IQGAP1: variants seen among roughly 807,000 people sequenced by gnomAD.
The protein encoded by IQGAP1 is IQ motif containing GTPase activating protein 1, also known as ras GTPase-activating-like protein IQGAP1.
A neutral mutation model predicts 215.6 loss-of-function variants in IQGAP1; 66 were observed. That is an observed-to-expected ratio of 0.31 (90% CI 0.25 to 0.38). The LOEUF (loss-of-function observed/expected upper bound fraction) is 0.38, where lower values mean the gene tolerates loss of function less well. Among genes scored for constraint, IQGAP1 ranks in the 10% least tolerant of loss-of-function variants. The pLI is 1.00. For synonymous variants in IQGAP1, 772 were observed against 728.7 expected, an observed-to-expected ratio of 1.06 and a Z score of -0.96; for missense variants, 1,712 against 1,997.1, an observed-to-expected ratio of 0.86 and a Z score of 2.72.
Position 90,483,436 on chromosome 15 carries a change from C to T in IQGAP1, c.3631C>T (p.Leu1211=). The part of the protein sequence containing the change: ...VAPDAFDIID[L]SAGGQLTTDQ... ...TCCTGATGCCTTTGACATCATTGAC[C>T]TGTCAGCAGGAGGCCAGCTTACCAC... Residue 1211 remains leucine (L), a synonymous_variant, in exon 29 of 38, where the codon CTG becomes TTG. Coordinates refer to ENST00000268182, the MANE Select transcript of IQGAP1 (RefSeq NM_003870.4). 6.2e-7 allele frequency: 1 copy of T among 1,614,168 alleles called. No individual in the cohort carries two copies. The highest frequency in any genetic ancestry group is 8.5e-7 in the Non-Finnish European group (1 of 1,180,024).
intron 2 of IQGAP1, among the ~76,000 whole-genome samples, chr15:90,425,213 G>C (rs1965203965): frequency 6.6e-6 from 1 of 152,086 alleles, no homozygotes; most frequent in Non-Finnish European, 1.5e-5. Context: ...AGGAAGCTGA[G>C]GCAGGAGAAT....
intron 2 of IQGAP1, among the ~76,000 whole-genome samples, chr15:90,404,782 T>C (rs1281636834): frequency 6.6e-6 from 1 of 152,122 alleles, no homozygotes; most frequent in African/African-American, 2.4e-5. Flanking sequence ...GGTTTTGCCA[T>C]GTTGGCCAGG....
At chr15:90,408,227 G>T (rs1964908385) in intron 2 of IQGAP1, among the ~76,000 whole-genome samples, 1 of 152,164 alleles carries the variant, frequency 6.6e-6, no homozygotes, top group Admixed American at 6.5e-5. Context: ...TAAGTTGAAT[G>T]AGTACAGAGT....
intron 8 of IQGAP1, among the ~76,000 whole-genome samples, chr15:90,442,330 C>T (rs1325307667): frequency 6.6e-6 from 1 of 151,874 alleles, no homozygotes; most frequent in Non-Finnish European, 1.5e-5. Flanking sequence ...GTGTTGGGCT[C>T]CTGTAATCCC....
intron 3 of IQGAP1, 122 bp from the exon 4 acceptor site, chr15:90,429,467 T>C: frequency 1.5e-6 from 1 of 654,748 alleles, no homozygotes; most frequent in Non-Finnish European, 2.5e-6. Context: ...AATGTGAGCA[T>C]AATGACATCA....
At chr15:90,472,574 G>T (rs755017290) in intron 18 of IQGAP1, among the ~76,000 whole-genome samples, 9 of 152,054 alleles carry the variant, frequency 5.9e-5, no homozygotes, top group Admixed American at 1.3e-4. Context: ...GTCAGTGTTG[G>T]ATAGGTAGAT....
chr15:90,390,965 G>T, intron 2 of IQGAP1, 92 bp downstream of exon 2: 1 of 832,498 alleles, frequency 1.2e-6, no homozygotes, highest in Non-Finnish European at 2.1e-6. Flanking sequence ...TGAACACAGT[G>T]GTCCATGCCT....
chr15:90,426,485 C>T (rs957805729), intron 3 of IQGAP1, among the ~76,000 whole-genome samples: 1 of 151,434 alleles, frequency 6.6e-6, no homozygotes, highest in East Asian at 1.9e-4. Flanking sequence ...GGAAAGCCCG[C>T]CTCCCCCCTA....
At chr15:90,480,424 G>GT (rs972769767) in intron 26 of IQGAP1, among the ~76,000 whole-genome samples, 1 of 152,036 alleles carries the variant, frequency 6.6e-6, no homozygotes, top group African/African-American at 2.4e-5. Flanking sequence ...AAATCTCAAA[G>GT]TTAATGTTCT....
chr15:90,406,873 G>T (rs1964886532), intron 2 of IQGAP1, among the ~76,000 whole-genome samples: 1 of 152,106 alleles, frequency 6.6e-6, no homozygotes, highest in Non-Finnish European at 1.5e-5. Context: ...GAATAACGTT[G>T]GTGGGAAACG....
At chr15:90,489,990 G>A (rs1355947976) in intron 33 of IQGAP1, among the ~76,000 whole-genome samples, 1 of 152,210 alleles carries the variant, frequency 6.6e-6, no homozygotes, top group Non-Finnish European at 1.5e-5. Flanking sequence ...AACCGGAGGT[G>A]GATCCAGTTC....
At chr15:90,401,061 A>T (rs1964797253) in intron 2 of IQGAP1, among the ~76,000 whole-genome samples, 1 of 152,204 alleles carries the variant, frequency 6.6e-6, no homozygotes, top group South Asian at 2.1e-4. Context: ...TTGTTTGCTT[A>T]ACTCAGGACT....
rs779488940 is a variant in IQGAP1, at chr15:90,474,090, T to C, written c.2532T>C (p.Ala844=). ...TAAATGACATTATCAAAATCCAGGC[T>C]TTTATTCGGGCAAACAAAGCTCGGG... is the stretch of plus-strand genomic sequence containing the variant. ...DHINDIIKIQ[A]FIRANKARDD... is the part of the protein sequence containing the mutation. Residue 844 remains alanine (A), a synonymous_variant, in exon 22 of 38, where the codon GCT becomes GCC. Coordinates refer to ENST00000268182, the MANE Select transcript of IQGAP1 (RefSeq NM_003870.4). The C allele has an allele frequency of 2.9e-5, 46 of 1,613,328 alleles. No homozygotes were observed. Among genetic ancestry groups the C allele is most frequent in the Non-Finnish European group, 3.6e-5 (43 of 1,179,624 alleles).
At chr15:90,455,306 G>T (rs1965663425) in intron 14 of IQGAP1, among the ~76,000 whole-genome samples, 1 of 152,132 alleles carries the variant, frequency 6.6e-6, no homozygotes, top group Non-Finnish European at 1.5e-5. Flanking sequence ...AGAATGGGAG[G>T]CCAGGCTGGT....
At chr15:90,493,178 G>A (rs1249417516) in intron 35 of IQGAP1, among the ~76,000 whole-genome samples, 2 of 151,822 alleles carry the variant, frequency 1.3e-5, no homozygotes, top group Non-Finnish European at 2.9e-5. Flanking sequence ...GGGAGATGGA[G>A]GTTGCAGTGA....
chr15:90,390,647 C>T, intron 1 of IQGAP1, 127 bp from the exon 2 acceptor site: 1 of 605,502 alleles, frequency 1.7e-6, no homozygotes, highest in East Asian at 2.8e-5. Context: ...GTACACCTGG[C>T]TGGCTACACA....
At chr15:90,430,383 C>T (rs1417874766) in intron 4 of IQGAP1, among the ~76,000 whole-genome samples, 1 of 151,710 alleles carries the variant, frequency 6.6e-6, no homozygotes, top group Non-Finnish European at 1.5e-5. Flanking sequence ...GGAAGTTATC[C>T]GAAGTAAATA....
chr15:90,475,796 CTTAA>C (rs1221921009), intron 23 of IQGAP1: 4 of 147,816 alleles, frequency 2.7e-5, no homozygotes, highest in South Asian at 2.2e-4. Flanking sequence ...CATAAAACAA[CTTAA>C]TTGACAAAAT....
At position 90,440,745 on chromosome 15, in the gene IQGAP1, A is replaced by G. The variant is rs150280758; in HGVS notation, c.649+130A>G. On this transcript the variant is annotated intron_variant, in intron 7 of 37. Coordinates refer to ENST00000268182, the MANE Select transcript of IQGAP1 (RefSeq NM_003870.4). ...TTTAAGTCCACAGATGTAGTTGTAA[A>G]CACATAGTCTTCCATGCTGTTATTA... The G allele has an allele frequency of 4.0e-3, 2,439 of 614,558 alleles. 33 individuals are homozygous for G. Among genetic ancestry groups the G allele is most frequent in the African/African-American group, 0.038 (2,062 of 53,956 alleles). The allele number at this position is 614,558 out of a possible 1,614,324, so 38.1% of individuals were successfully genotyped here. A position where few individuals can be genotyped will look rare whatever the true frequency, so the allele number is the denominator to read the frequency against.
Sources: allele counts gnomAD v4.1 joint callset (sites outside exome capture counted in the v4.1 genomes callset), GRCh38; gene constraint gnomAD v4.1.1; transcripts MANE v1.5; gene names NCBI Gene and HGNC (gene_info 2026-07-23, HGNC 2026-07-21).